The following CCSER1 variants were observed in gnomAD, a reference collection of about 807,000 sequenced individuals.
CCSER1 encodes the protein serine-rich coiled-coil domain-containing protein 1.
Under a neutral mutation model 82.0 loss-of-function variants are expected in CCSER1, and 41 were observed. The ratio of observed to expected loss-of-function variants is 0.50; its 90% CI spans 0.39 to 0.65. The LOEUF (loss-of-function observed/expected upper bound fraction) is 0.65. Ranked by LOEUF, CCSER1 falls within the 30% of genes least tolerant of loss-of-function variation. The pLI is 0.00. For missense variants in CCSER1, 1,119 were observed against 1,064.2 expected (o/e 1.05, Z -0.72); for synonymous variants, 414 against 383.9 (o/e 1.08, Z -0.92).
intron 4 of CCSER1, among the ~76,000 whole-genome samples, chr4:90,431,284 T>TA: frequency 6.6e-6 from 1 of 152,186 alleles, no homozygotes; most frequent in Non-Finnish European, 1.5e-5. Context: ...TTAGTGAAGT[T>TA]AAAGTTATAT....
intron 4 of CCSER1, among the ~76,000 whole-genome samples, chr4:90,457,969 T>G (rs948906318): frequency 6.6e-6 from 1 of 151,952 alleles, no homozygotes; most frequent in African/African-American, 2.4e-5. Flanking sequence ...GACAGCAGGG[T>G]TCTGGTGTGT....
chr4:90,218,286 C>T (rs969726039), intron 1 of CCSER1, among the ~76,000 whole-genome samples: 1 of 152,030 alleles, frequency 6.6e-6, no homozygotes, highest in Non-Finnish European at 1.5e-5. Flanking sequence ...AGACTTGATC[C>T]TGGTGAATTA....
chr4:91,119,274 C>A (rs1726887529), intron 10 of CCSER1, among the ~76,000 whole-genome samples: 1 of 152,098 alleles, frequency 6.6e-6, no homozygotes, highest in South Asian at 2.1e-4. Flanking sequence ...TTTAGCCTCT[C>A]TTCTTTTACA....
intron 6 of CCSER1, among the ~76,000 whole-genome samples, chr4:90,723,437 TTTGTAA>T (rs1328789421): frequency 2.6e-5 from 4 of 151,902 alleles, no homozygotes; most frequent in Non-Finnish European, 4.4e-5. Context: ...ATTTTTTCAG[TTTGTAA>T]TTGTATATTA....
At chr4:91,444,736 C>A (rs1277863956) in intron 10 of CCSER1, among the ~76,000 whole-genome samples, 1 of 152,316 alleles carries the variant, frequency 6.6e-6, no homozygotes, top group East Asian at 1.9e-4. Context: ...AGGTGTTAAC[C>A]ACCACACCCA....
At chr4:91,254,486 C>T (rs1740519587) in intron 10 of CCSER1, among the ~76,000 whole-genome samples, 1 of 152,078 alleles carries the variant, frequency 6.6e-6, no homozygotes, top group Non-Finnish European at 1.5e-5. Context: ...ATATTAGATA[C>T]TTGGAGTAAA....
chr4:91,401,474 G>C (rs947583903), intron 10 of CCSER1, among the ~76,000 whole-genome samples: 1 of 151,496 alleles, frequency 6.6e-6, no homozygotes, highest in African/African-American at 2.4e-5. Context: ...ATGTATACAT[G>C]TGCCATGTTG....
At chr4:91,391,592 T>A (rs752066454) in intron 10 of CCSER1, among the ~76,000 whole-genome samples, 1 of 152,220 alleles carries the variant, frequency 6.6e-6, no homozygotes, top group Non-Finnish European at 1.5e-5. Context: ...TAAGCCACCA[T>A]GCTCAGCCTC....
intron 6 of CCSER1, among the ~76,000 whole-genome samples, chr4:90,720,019 C>T (rs1264424904): frequency 6.6e-6 from 1 of 152,060 alleles, no homozygotes; most frequent in African/African-American, 2.4e-5. Context: ...TTTATTTGCT[C>T]ATTCTTTTAA....
At chr4:90,424,026 G>T (rs1414800512) in intron 4 of CCSER1, among the ~76,000 whole-genome samples, 1 of 151,446 alleles carries the variant, frequency 6.6e-6, no homozygotes, top group Non-Finnish European at 1.5e-5. Context: ...GGGAGGCTGA[G>T]GTTGCAGTGA....
intron 1 of CCSER1, among the ~76,000 whole-genome samples, chr4:90,129,980 A>T (rs1722536974): frequency 6.6e-6 from 1 of 152,206 alleles, no homozygotes; most frequent in South Asian, 2.1e-4. Context: ...AGTCCTATTT[A>T]TGAGTATTTT....
At chr4:91,486,102 T>C (rs1487386498) in intron 10 of CCSER1, among the ~76,000 whole-genome samples, 1 of 151,926 alleles carries the variant, frequency 6.6e-6, no homozygotes, top group Non-Finnish European at 1.5e-5. Flanking sequence ...CACTGGACTT[T>C]CCTAGCAATT....
At chr4:91,296,052 C>T (rs763046983) in intron 10 of CCSER1, among the ~76,000 whole-genome samples, 2 of 151,782 alleles carry the variant, frequency 1.3e-5, no homozygotes, top group Non-Finnish European at 2.9e-5. Flanking sequence ...AGTCATTCCT[C>T]AAAATCTTAA....
intron 10 of CCSER1, among the ~76,000 whole-genome samples, chr4:91,552,962 G>A (rs1578771861): frequency 6.6e-6 from 1 of 151,370 alleles, no homozygotes. Flanking sequence ...TGATCTTAGA[G>A]GACAAGATTT....
chr4:90,217,638 G>A (rs1256964607), intron 1 of CCSER1, among the ~76,000 whole-genome samples: 1 of 152,158 alleles, frequency 6.6e-6, no homozygotes, highest in Non-Finnish European at 1.5e-5. Flanking sequence ...ATGTTGAATA[G>A]GAGTGGTGAG....
intron 5 of CCSER1, among the ~76,000 whole-genome samples, chr4:90,566,495 A>G (rs1271707061): frequency 6.6e-6 from 1 of 150,622 alleles, no homozygotes; most frequent in African/African-American, 2.4e-5. Flanking sequence ...AGTTTTCATC[A>G]CTGATTTGAT....
chr4:91,055,873 A>C (rs1021523778), intron 9 of CCSER1, among the ~76,000 whole-genome samples: 2 of 145,034 alleles, frequency 1.4e-5, no homozygotes, highest in African/African-American at 5.1e-5. Flanking sequence ...TGCTCTGATC[A>C]CTTTTCTTCA....
At chr4:91,570,210 A>C (rs371345118) in intron 10 of CCSER1, among the ~76,000 whole-genome samples, 1 of 152,172 alleles carries the variant, frequency 6.6e-6, no homozygotes, top group Non-Finnish European at 1.5e-5. Context: ...GTCTAGCCCC[A>C]GTTCTGGTTG....
intron 8 of CCSER1, among the ~76,000 whole-genome samples, chr4:90,867,201 A>C (rs1027871211): frequency 6.6e-6 from 1 of 152,064 alleles, no homozygotes; most frequent in African/African-American, 2.4e-5. Flanking sequence ...CAGGCTCTTC[A>C]TAACCAAGCC....
Sources: gnomAD v4.1 joint callset for allele counts (sites outside exome capture counted in the v4.1 genomes callset) on GRCh38, gnomAD v4.1.1 for gene constraint, MANE v1.5 for transcripts, NCBI Gene and HGNC (gene_info 2026-07-23, HGNC 2026-07-21) for gene names.